COL6A3: variants seen among roughly 807,000 people sequenced by gnomAD.
COL6A3 encodes collagen type VI alpha 3 chain, also known as collagen alpha-3(VI) chain.
In COL6A3, 137 loss-of-function variants were observed where a neutral mutation model predicts 274.1. The observed-to-expected ratio is 0.50, with a 90% CI of 0.44 to 0.58. The LOEUF (loss-of-function observed/expected upper bound fraction) is 0.58. Among genes scored for constraint, COL6A3 ranks in the 20% least tolerant of loss-of-function variants. The pLI, the probability that COL6A3 is intolerant of heterozygous loss-of-function variation, is 0.00. For synonymous variants in COL6A3, 1,650 were observed against 1,650.6 expected, an observed-to-expected ratio of 1.00 and a Z score of 0.01; for missense variants, 3,950 against 4,124.9, an observed-to-expected ratio of 0.96 and a Z score of 1.16.
At chr2:237,332,097 A>AT (rs1700278945) in intron 42 of COL6A3, among the ~76,000 whole-genome samples, 1 of 38,306 alleles carries the variant, frequency 2.6e-5, no homozygotes, top group Non-Finnish European at 4.5e-5. Context: ...ATATATATAT[A>AT]TATATATATA....
chr2:237,324,779 T>G lies in COL6A3; in HGVS notation c.9529A>C (p.Thr3177Pro), dbSNP rs2106297671. The change falls in exon 44 of 44, where the codon ACC (threonine) becomes CCC (proline). Residue 3177 changes from threonine (T) to proline (P), a missense_variant. Thr to Pro is a conservative substitution (Grantham distance 38, BLOSUM62 -1). Coordinates refer to ENST00000295550, the MANE Select transcript of COL6A3 (RefSeq NM_004369.4). ...ATGATGTTGGCCACCCACGCTTAGG[T>G]TCCCATCACACTGATGACTCCGGGT... The part of the protein sequence containing the change: ...AKPGVISVMG[T>P] 1 of 1,613,904 alleles carries G rather than the reference T, an allele frequency of 6.2e-7. No homozygotes were observed. Among genetic ancestry groups the G allele is most frequent in the Non-Finnish European group, 8.5e-7 (1 of 1,180,034 alleles).
chr2:237,396,514 C>CAAAT (rs2078444475), intron 2 of COL6A3, among the ~76,000 whole-genome samples: 2 of 152,126 alleles, frequency 1.3e-5, no homozygotes, highest in African/African-American at 4.8e-5. Flanking sequence ...ATACCAAACC[C>CAAAT]AAGTTTTAAT....
intron 9 of COL6A3, among the ~76,000 whole-genome samples, chr2:237,370,699 G>A (rs1481438246): frequency 6.6e-6 from 1 of 152,162 alleles, no homozygotes; most frequent in African/African-American, 2.4e-5. Context: ...ACACAATTGG[G>A]CAATTTACGG....
At chr2:237,332,111 A>ATATATATATATATATATG (rs1700287322) in intron 42 of COL6A3, among the ~76,000 whole-genome samples, 1 of 100,652 alleles carries the variant, frequency 9.9e-6, no homozygotes, top group Non-Finnish European at 2.1e-5. Context: ...ATATATATAT[A>ATATATATATATATATATG]TATATATGAA....
chr2:237,398,668 T>C (rs1309734417), intron 1 of COL6A3, among the ~76,000 whole-genome samples: 1 of 152,240 alleles, frequency 6.6e-6, no homozygotes, highest in Non-Finnish European at 1.5e-5. Context: ...TGCTTTGATG[T>C]TGCTATCTTG....
rs2106350923 is a variant in COL6A3, at chr2:237,367,160, A to G, written c.5027T>C (p.Ile1676Thr). The G allele has an allele frequency of 6.2e-7, 1 of 1,614,214 alleles. No individual in the cohort carries two copies. Among genetic ancestry groups the G allele is most frequent in the East Asian group, 2.2e-5 (1 of 44,882 alleles). Residue 1676 changes from isoleucine to threonine, a missense_variant, in exon 11 of 44, where the codon ATC becomes ACC. Coordinates refer to ENST00000295550, the MANE Select transcript of COL6A3 (RefSeq NM_004369.4). ...VDTVYEDGDS[I>T]QVGLVQYNSD... ...GTTGTACTGGACAAGCCCCACTTGG[A>G]TGGAGTCGCCATCTTCATAAACTGT...
At chr2:237,409,359 A>G (rs1288170692) in intron 1 of COL6A3, among the ~76,000 whole-genome samples, 6 of 152,028 alleles carry the variant, frequency 3.9e-5, no homozygotes, top group Non-Finnish European at 5.9e-5. Context: ...GGTTTGTTAC[A>G]TATGTATACA....
intron 8 of COL6A3, 113 bp from the exon 9 acceptor site, chr2:237,372,450 C>A: frequency 6.3e-7 from 1 of 1,585,476 alleles, no homozygotes; most frequent in South Asian, 1.1e-5. Context: ...TAACACCAAT[C>A]ACCACTGTTA....
At chr2:237,370,207 A>G (rs961940464) in intron 9 of COL6A3, among the ~76,000 whole-genome samples, 1 of 149,948 alleles carries the variant, frequency 6.7e-6, no homozygotes, top group Admixed American at 6.7e-5. Flanking sequence ...GCGCATTTTT[A>G]AAAATATTTA....
At position 237,365,589 on chromosome 2, in the gene COL6A3, C is replaced by T. The variant is rs200120480; in HGVS notation, c.5838+109G>A. 2.0e-5 allele frequency: 19 copies of T among 963,692 alleles called. No individual in the cohort carries two copies. The East Asian group carries it at 4.6e-4, about 23-fold the overall frequency. The allele number at this position is 963,692 out of a possible 1,614,324, so 59.7% of individuals were successfully genotyped here. A position where few individuals can be genotyped will look rare whatever the true frequency, so the allele number is the denominator to read the frequency against. On this transcript the variant is annotated intron_variant, in intron 12 of 43. Coordinates refer to ENST00000295550, the MANE Select transcript of COL6A3 (RefSeq NM_004369.4). ...AAGGGATTTTCCATATAGACACTAACAATCCAGTGAAACATGAAGAGGATT... is the reference window on the plus strand; with the variant it reads ...AAGGGATTTTCCATATAGACACTAATAATCCAGTGAAACATGAAGAGGATT...
chr2:237,336,719 T>C (rs188731136), intron 39 of COL6A3, among the ~76,000 whole-genome samples, 187 bp from the exon 40 acceptor site: 1 of 152,316 alleles, frequency 6.6e-6, no homozygotes, highest in Non-Finnish European at 1.5e-5. Flanking sequence ...AAAAAAGATA[T>C]GGAACAGCAT....
At position 237,342,483 on chromosome 2, in the gene COL6A3, G is replaced by A. The variant is rs559942154; in HGVS notation, c.7669-322C>T. The A allele has an allele frequency of 1.2e-5, 4 of 341,322 alleles. No individual in the cohort carries two copies. The South Asian group carries it at 1.3e-4, about 11-fold the overall frequency. The allele number at this position is 341,322 out of a possible 1,614,324, so 21.1% of individuals were successfully genotyped here. On this transcript the variant is annotated intron_variant, in intron 36 of 43. Coordinates refer to ENST00000295550, the MANE Select transcript of COL6A3 (RefSeq NM_004369.4). ...ATTAGATAATAAATGTTAGTAACTG[G>A]TGTATCCTCTGGCAAATAGTAGGAA...
intron 7 of COL6A3, among the ~76,000 whole-genome samples, chr2:237,375,882 T>C (rs2106362981): frequency 6.6e-6 from 1 of 152,342 alleles, no homozygotes; most frequent in South Asian, 2.1e-4. Flanking sequence ...TACTTTGTTA[T>C]AACAGCAATG....
In COL6A3 at chr2:237,334,756, A is replaced by G; in HGVS notation, c.9099T>C (p.Val3033=). The change falls in exon 41 of 44, where the codon GTT becomes GTC. Residue 3033 remains valine (V), a synonymous_variant. Transcript: ENST00000295550. ...CCGTGACCGTGAGGTTCTGCTTCAG[A>G]ACCAGGGACTGATCATGGGCTGAGG... ...TVTSAHDQSL[V]LKQNLTVTDR... 1 of 1,614,144 alleles carries G rather than the reference A, an allele frequency of 6.2e-7. No individual in the cohort carries two copies. Among genetic ancestry groups the G allele is most frequent in the Non-Finnish European group, 8.5e-7 (1 of 1,180,020 alleles).
At chr2:237,360,933 C>T (rs923940159) in intron 16 of COL6A3, among the ~76,000 whole-genome samples, 188 bp downstream of exon 16, 1 of 152,198 alleles carries the variant, frequency 6.6e-6, no homozygotes, top group South Asian at 2.1e-4. Flanking sequence ...TTCATGCCCA[C>T]ATTTGTCATA....
chr2:237,359,791 G>A (rs562751930), intron 17 of COL6A3, among the ~76,000 whole-genome samples: 30 of 152,304 alleles, frequency 2.0e-4, no homozygotes, highest in East Asian at 5.8e-4. Context: ...GTCCAGGGCC[G>A]GGGCCGTGGG....
At position 237,371,872 on chromosome 2, in the gene COL6A3, G is replaced by A. The variant is rs767829363; in HGVS notation, c.4145C>T (p.Ser1382Leu). ...CGAGAACACATATTCGGGGCTCAGC[G>A]AGATCTTCACCAGCTCCTCCTGGTC... ...NADQEELVKI[S>L]LSPEYVFSVS... is the part of the protein sequence containing the mutation. Residue 1382 changes from serine to leucine, a missense_variant, in exon 9 of 44, where the codon TCG (serine) becomes TTG (leucine). Transcript: ENST00000295550. The surrounding 1 kb of genome is among the most constrained non-coding windows in gnomAD (Gnocchi z 4.3). 9.3e-6 allele frequency: 15 copies of A among 1,613,444 alleles called. No homozygotes were observed. The highest frequency in any genetic ancestry group is 2.7e-5 in the African/African-American group (2 of 74,902).
intron 13 of COL6A3, 140 bp from the exon 14 acceptor site, chr2:237,363,538 G>A (rs1027114336): frequency 1.1e-6 from 1 of 941,602 alleles, no homozygotes; most frequent in Non-Finnish European, 1.6e-6. Flanking sequence ...AAGTTTACTG[G>A]CTACTCTGAA....
chr2:237,407,024 C>G lies in COL6A3; in HGVS notation c.-31+6929G>C, dbSNP rs552664311. Among the ~76,000 whole-genome samples, 14 of 151,748 alleles carry G rather than the reference C, an allele frequency of 9.2e-5. No individual in the cohort carries two copies. In the East Asian group the frequency reaches 2.7e-3, roughly 30 times the overall value. ...TCCTGAGATCAAGCAATCCTCCCAC[C>G]TCAGCCTCCCAAGTAGCTAGGACTA... On this transcript the variant is annotated intron_variant, in intron 1 of 43. Coordinates refer to ENST00000295550, the MANE Select transcript of COL6A3 (RefSeq NM_004369.4). This position sits in a 1 kb window ranked among gnomAD's most constrained non-coding sequence, Gnocchi z 4.3.
Sources: gnomAD v4.1 joint callset for allele counts (sites outside exome capture counted in the v4.1 genomes callset) on GRCh38, gnomAD v4.1.1 for gene constraint, Gnocchi (gnomAD v3.1) non-coding constraint, MANE v1.5 for transcripts, NCBI Gene and HGNC (gene_info 2026-07-23, HGNC 2026-07-21) for gene names.